The following LRGUK variants were observed in gnomAD, a reference collection of about 807,000 sequenced individuals.
LRGUK encodes leucine rich repeats and guanylate kinase domain containing.
In LRGUK, 65 loss-of-function variants were observed where a neutral mutation model predicts 76.0. The ratio of observed to expected loss-of-function variants is 0.85; its 90% CI spans 0.70 to 1.05. The LOEUF is 1.05. Ranked by LOEUF, LRGUK falls within the 50% of genes least tolerant of loss-of-function variation. The pLI is 0.00. For missense variants in LRGUK, 758 were observed against 732.8 expected, an observed-to-expected ratio of 1.03 and a Z score of -0.40; for synonymous variants, 268 against 265.6, an observed-to-expected ratio of 1.01 and a Z score of -0.09.
chr7:134,266,678 G>A (rs1298210138), downstream of LRGUK, among the ~76,000 whole-genome samples: 5 of 152,188 alleles, frequency 3.3e-5, no homozygotes, highest in African/African-American at 1.2e-4. Flanking sequence ...AAGATCTAAT[G>A]TTTGTGTCAT....
chr7:134,200,840 C>A (rs866819398), intron 14 of LRGUK, among the ~76,000 whole-genome samples: 1 of 152,296 alleles, frequency 6.6e-6, no homozygotes, highest in South Asian at 2.1e-4. Context: ...TCTGGTACAG[C>A]ATAGGTGGAT....
intron 5 of LRGUK, 71 bp downstream of exon 5, chr7:134,148,390 T>C: frequency 1.1e-6 from 1 of 875,698 alleles, no homozygotes; most frequent in Non-Finnish European, 1.8e-6. Context: ...TATTCAAGAA[T>C]TGTATTAGAT....
downstream of LRGUK, among the ~76,000 whole-genome samples, chr7:134,267,889 TA>T (rs1221626383): frequency 6.6e-6 from 1 of 151,732 alleles, no homozygotes; most frequent in South Asian, 2.1e-4. Flanking sequence ...TATGCCAGTG[TA>T]ACGAACCTGC....
At chr7:134,201,965 C>A (rs1235713558) in intron 15 of LRGUK, among the ~76,000 whole-genome samples, 3 of 152,090 alleles carry the variant, frequency 2.0e-5, no homozygotes, top group African/African-American at 7.2e-5. Flanking sequence ...CTTTTCTTTG[C>A]GTTACCCGAG....
intron 5 of LRGUK, among the ~76,000 whole-genome samples, chr7:134,151,663 T>G (rs1276273442): frequency 6.6e-6 from 1 of 152,086 alleles, no homozygotes; most frequent in Non-Finnish European, 1.5e-5. Context: ...AATCTGACAG[T>G]GTATTAAAAA....
chr7:134,232,575 GC>G lies in LRGUK; in HGVS notation c.1983+10660del, dbSNP rs373233952. Reference sequence around the variant, plus strand: ...TTACAAGCATAAGCCACCGCACCAGGCCCTTTATTTCCTATTCCTAAGGTCA... The same window carrying G: ...TTACAAGCATAAGCCACCGCACCAGGCCTTTATTTCCTATTCCTAAGGTCA... On this transcript the variant is annotated intron_variant, in intron 16 of 19. Transcript: ENST00000285928. Among the ~76,000 whole-genome samples the G allele has an allele frequency of 3.8e-3, 574 of 152,246 alleles. 5 individuals carry two copies. Among genetic ancestry groups the G allele is most frequent in the South Asian group, 0.016 (79 of 4,818 alleles).
chr7:134,232,445 AT>A (rs1313564622), intron 16 of LRGUK, among the ~76,000 whole-genome samples: 1 of 151,884 alleles, frequency 6.6e-6, no homozygotes, highest in Non-Finnish European at 1.5e-5. Flanking sequence ...CACTTGGCTA[AT>A]TTTTTGTATC....
At chr7:134,253,101 A>C (rs1374027028) in intron 18 of LRGUK, among the ~76,000 whole-genome samples, 1 of 152,216 alleles carries the variant, frequency 6.6e-6, no homozygotes, top group Non-Finnish European at 1.5e-5. Flanking sequence ...GATCCTAGAA[A>C]TGTACTTCTT....
chr7:134,237,528 A>G (rs1270496495), intron 16 of LRGUK, among the ~76,000 whole-genome samples: 1 of 152,148 alleles, frequency 6.6e-6, no homozygotes, highest in Non-Finnish European at 1.5e-5. Context: ...GGCTAATGGA[A>G]GCCTTTTCAA....
At chr7:134,183,658 G>A (rs1157464625) in intron 10 of LRGUK, 76 bp from the exon 11 acceptor site, 1 of 1,557,644 alleles carries the variant, frequency 6.4e-7, no homozygotes, top group Non-Finnish European at 8.8e-7. Flanking sequence ...CCAGGTTAAT[G>A]GTGGCCTAAT....
chr7:134,136,665 A>G (rs748608852), intron 1 of LRGUK, among the ~76,000 whole-genome samples: 1 of 152,218 alleles, frequency 6.6e-6, no homozygotes, highest in Non-Finnish European at 1.5e-5. Context: ...AAAGGATTCA[A>G]TGAGTTCATT....
chr7:134,164,154 G>A (rs535001215), intron 7 of LRGUK, among the ~76,000 whole-genome samples: 14 of 152,256 alleles, frequency 9.2e-5, no homozygotes, highest in Admixed American at 3.9e-4. Context: ...TAAATAGCTA[G>A]ATTTAGCCAT....
At chr7:134,270,091 G>GC in the LRGUK span, among the ~76,000 whole-genome samples, 1 of 152,092 alleles carries the variant, frequency 6.6e-6, no homozygotes, top group Non-Finnish European at 1.5e-5. Context: ...TCAAGCCAGT[G>GC]CAATAAAGCA....
At chr7:134,229,783 G>A (rs1473285841) in intron 16 of LRGUK, among the ~76,000 whole-genome samples, 1 of 152,140 alleles carries the variant, frequency 6.6e-6, no homozygotes, top group East Asian at 1.9e-4. Flanking sequence ...TATGAAAAAA[G>A]TGACACTGCT....
chr7:134,268,136 A>T (rs146938862), downstream of LRGUK, among the ~76,000 whole-genome samples: 3 of 152,304 alleles, frequency 2.0e-5, no homozygotes, highest in East Asian at 5.8e-4. Context: ...AAGAGCAGAC[A>T]TTAATGAAAG....
At chr7:134,153,655 G>A (rs2116891975) in intron 5 of LRGUK, among the ~76,000 whole-genome samples, 1 of 152,314 alleles carries the variant, frequency 6.6e-6, no homozygotes, top group Middle Eastern at 3.4e-3. Flanking sequence ...TGGTTAAACT[G>A]AGACTTCTGA....
chr7:134,143,545 A>G (rs1346614642), intron 4 of LRGUK, among the ~76,000 whole-genome samples: 1 of 152,216 alleles, frequency 6.6e-6, no homozygotes, highest in East Asian at 1.9e-4. Flanking sequence ...TGTATATTTC[A>G]GATGTACAGC....
intron 11 of LRGUK, among the ~76,000 whole-genome samples, chr7:134,190,749 A>G (rs1458456499): frequency 6.6e-6 from 1 of 152,222 alleles, no homozygotes; most frequent in African/African-American, 2.4e-5. Flanking sequence ...TCATTTTACA[A>G]AAATTTATCA....
chr7:134,237,801 G>A (rs1449413930), intron 16 of LRGUK, among the ~76,000 whole-genome samples: 1 of 152,230 alleles, frequency 6.6e-6, no homozygotes, highest in Middle Eastern at 3.4e-3. Context: ...CATAAATTCA[G>A]TTAGTATTTC....
Sources: allele counts gnomAD v4.1 joint callset (sites outside exome capture counted in the v4.1 genomes callset), GRCh38; gene constraint gnomAD v4.1.1; transcripts MANE v1.5; gene names NCBI Gene and HGNC (gene_info 2026-07-23, HGNC 2026-07-21).